Variants in RBM28 observed in about 807,000 individuals in gnomAD.
RBM28 encodes RNA binding motif protein 28.
A neutral mutation model predicts 98.3 loss-of-function variants in RBM28; 78 were observed. The ratio of observed to expected loss-of-function variants is 0.79; its 90% CI spans 0.66 to 0.96. The LOEUF (loss-of-function observed/expected upper bound fraction) is 0.96, where lower values mean the gene tolerates loss of function less well. Among genes scored for constraint, RBM28 ranks in the 40% least tolerant of loss-of-function variants. The probability of loss-of-function intolerance (pLI) is 0.00; values close to 1 mark genes in which losing one functional copy is unlikely to be tolerated. For synonymous variants in RBM28, 306 were observed against 330.9 expected, an observed-to-expected ratio of 0.92 and a Z score of 0.82; for missense variants, 838 against 913.0, an observed-to-expected ratio of 0.92 and a Z score of 1.06.
intron 14 of RBM28, 101 bp downstream of exon 14, chr7:128,321,165 C>G: frequency 1.3e-6 from 2 of 1,525,922 alleles, no homozygotes; most frequent in Non-Finnish European, 1.8e-6. Flanking sequence ...GACTTCGTCT[C>G]AAAACAAACA....
rs983946249 is a variant in RBM28 at position 128,302,523 on chromosome 7, G to C, written c.*8274C>G. On this transcript the variant is annotated 3_prime_UTR_variant, in exon 19 of 19. Transcript: ENST00000223073. Reference sequence around the variant, plus strand: ...GGAAAAGCAGTTATAAAACTGAGTAGAGCCAGCGCACCCTTTCCCTATTAG... The same window carrying C: ...GGAAAAGCAGTTATAAAACTGAGTACAGCCAGCGCACCCTTTCCCTATTAG... 6.6e-6 allele frequency: 1 copy of C among 152,142 alleles called. No individual in the cohort carries two copies. Among genetic ancestry groups the C allele is most frequent in the African/African-American group, 2.4e-5 (1 of 41,424 alleles). 9.4% of individuals were successfully genotyped at this position (152,142 alleles called of 1,614,324 possible). A position where few individuals can be genotyped will look rare whatever the true frequency, so the allele number is the denominator to read the frequency against.
rs13221116 is a variant in RBM28, at chr7:128,303,013, C to A, written c.*7784G>T. 0.11 allele frequency: 17,249 copies of A among 152,330 alleles called. 1,357 individuals carry two copies. Among genetic ancestry groups the A allele is most frequent in the East Asian group, 0.25 (1,292 of 5,184 alleles). The allele number at this position is 152,330 out of a possible 1,614,324, so 9.4% of individuals were successfully genotyped here. A position where few individuals can be genotyped will look rare whatever the true frequency, so the allele number is the denominator to read the frequency against. On this transcript the variant is annotated 3_prime_UTR_variant, in exon 19 of 19. Transcript: ENST00000223073. ...TCCTGGCCTCAAGGGATCCTCCCAT[C>A]TCAGCCTCCCATAGTGCTGGGGTTA...
intron 1 of RBM28, chr7:128,341,342 C>G (rs550515454): frequency 2.8e-6 from 1 of 353,730 alleles, no homozygotes; most frequent in East Asian, 7.5e-5. Flanking sequence ...TCAGTACAAC[C>G]AAAAGTAAAG....
chr7:128,322,912 T>C (rs1796267546), intron 13 of RBM28, among the ~76,000 whole-genome samples: 1 of 152,168 alleles, frequency 6.6e-6, no homozygotes, highest in Admixed American at 6.5e-5. Flanking sequence ...GCTAATTCTG[T>C]TCACAGTTAT....
chr7:128,312,543 CA>C (rs1562947617), intron 18 of RBM28, among the ~76,000 whole-genome samples: 1 of 151,968 alleles, frequency 6.6e-6, no homozygotes, highest in Non-Finnish European at 1.5e-5. Context: ...AAATGTAACA[CA>C]AATGACCTGG....
Position 128,339,323 on chromosome 7 carries a change from T to C in RBM28, c.278-2A>G. ...CCTTCTTTGGGCACTCTGAGTTTTC[T>C]AAAAAATAAGAGGTAATGGAATAAG... On this transcript the variant is annotated splice_acceptor_variant, in intron 2 of 18. Coordinates refer to ENST00000223073, the MANE Select transcript of RBM28 (RefSeq NM_018077.3). LOFTEE classifies it high-confidence loss of function. The C allele has an allele frequency of 6.2e-7, 1 of 1,603,328 alleles. No individual in the cohort carries two copies. The highest frequency in any genetic ancestry group is 8.5e-7 in the Non-Finnish European group (1 of 1,171,706).
At chr7:128,320,257 C>T (rs562699585) in intron 14 of RBM28, among the ~76,000 whole-genome samples, 1 of 113,178 alleles carries the variant, frequency 8.8e-6, no homozygotes, top group East Asian at 2.6e-4. Flanking sequence ...AGAAATTAGC[C>T]AGGCATGGTG....
intron 16 of RBM28, among the ~76,000 whole-genome samples, chr7:128,316,210 A>G (rs559736024): frequency 6.6e-6 from 1 of 152,316 alleles, no homozygotes; most frequent in East Asian, 1.9e-4. Flanking sequence ...TGCATTCACA[A>G]ATAAACCAAA....
At chr7:128,322,230 C>A (rs1439502623) in intron 13 of RBM28, among the ~76,000 whole-genome samples, 2 of 152,148 alleles carry the variant, frequency 1.3e-5, no homozygotes, top group Admixed American at 6.5e-5. Flanking sequence ...CTCAACTCTG[C>A]CACCCTGAGG....
chr7:128,308,056 AC>A lies in RBM28; in HGVS notation c.*2740del, dbSNP rs1413614055. 6.6e-6 allele frequency: 1 copy of A among 152,226 alleles called. No individual in the cohort carries two copies. The highest frequency in any genetic ancestry group is 1.5e-5 in the Non-Finnish European group (1 of 68,036). 9.4% of individuals were successfully genotyped at this position (152,226 alleles called of 1,614,324 possible). ...TGAAGGAGAAGTGAGCACAACTCTC[AC>A]TGCACTAAAATTCCCAAGGCAAGGA... On this transcript the variant is annotated 3_prime_UTR_variant, in exon 19 of 19. Coordinates refer to ENST00000223073, the MANE Select transcript of RBM28 (RefSeq NM_018077.3).
intron 14 of RBM28, 82 bp downstream of exon 14, chr7:128,321,184 C>G (rs1796224417): frequency 1.9e-6 from 3 of 1,572,700 alleles, no homozygotes; most frequent in Non-Finnish European, 8.7e-7. Flanking sequence ...CAAACAAAAT[C>G]TGGCACCACA....
rs938090945 is a variant in RBM28 at position 128,325,891 on chromosome 7, C to A, written c.1130G>T (p.Gly377Val). Reference protein sequence around the residue: ...VLHPDTEHSKGCAFAQFMTQE... With the variant: ...VLHPDTEHSKVCAFAQFMTQE... ...AGTCATGAACTGGGCAAATGCACAA[C>A]CTGCACAAGGAGACACAATTCAGTG... The change falls in exon 11 of 19, where the codon GGT (glycine) becomes GTT (valine). Residue 377 changes from glycine to valine, a missense_variant and splice_region_variant. Physicochemically the swap from Gly to Val is moderately radical, Grantham distance 109 (BLOSUM62 -3). Transcript: ENST00000223073. 6.2e-7 allele frequency: 1 copy of A among 1,613,172 alleles called. No homozygotes were observed. The highest frequency in any genetic ancestry group is 8.5e-7 in the Non-Finnish European group (1 of 1,179,382).
chr7:128,314,618 T>A lies in RBM28; in HGVS notation c.2045+146A>T, dbSNP rs1411980293. On this transcript the variant is annotated intron_variant, in intron 17 of 18. Coordinates refer to ENST00000223073, the MANE Select transcript of RBM28 (RefSeq NM_018077.3). ...TGACATCTCTGATGGTGTTGAAGACTCGCGTGTTAACCCCATGTGTGGGAA... is the reference window on the plus strand; with the variant it reads ...TGACATCTCTGATGGTGTTGAAGACACGCGTGTTAACCCCATGTGTGGGAA... 4 of 1,349,854 alleles carry A rather than the reference T, an allele frequency of 3.0e-6. No individual in the cohort carries two copies. In the African/African-American group the frequency reaches 5.7e-5, roughly 19 times the overall value. 83.6% of individuals were successfully genotyped at this position (1,349,854 alleles called of 1,614,324 possible). A position where few individuals can be genotyped will look rare whatever the true frequency, so the allele number is the denominator to read the frequency against.
chr7:128,341,251 CT>C (rs1796718090), intron 1 of RBM28: 1 of 1,171,850 alleles, frequency 8.5e-7, no homozygotes, highest in African/African-American at 1.6e-5. Flanking sequence ...CAATTTTTCT[CT>C]TCTCTTGAAC....
intron 17 of RBM28, among the ~76,000 whole-genome samples, chr7:128,313,749 G>A (rs1029761441): frequency 2.6e-5 from 4 of 152,130 alleles, no homozygotes; most frequent in East Asian, 3.9e-4. Flanking sequence ...ATGGTTTAGC[G>A]CCATCCCCTC....
chr7:128,321,064 G>T (rs184723417), intron 14 of RBM28, among the ~76,000 whole-genome samples: 3 of 152,248 alleles, frequency 2.0e-5, no homozygotes, highest in Non-Finnish European at 4.4e-5. Flanking sequence ...TATTCAGGGG[G>T]CTGAGGCAGG....
intron 14 of RBM28, 100 bp downstream of exon 14, chr7:128,321,166 A>AAAAC: frequency 6.5e-7 from 1 of 1,533,654 alleles, no homozygotes; most frequent in Non-Finnish European, 8.9e-7. Flanking sequence ...ACTTCGTCTC[A>AAAAC]AAACAAACAA....
chr7:128,315,956 T>G (rs979706977), intron 16 of RBM28, among the ~76,000 whole-genome samples: 2 of 152,206 alleles, frequency 1.3e-5, no homozygotes, highest in African/African-American at 4.8e-5. Context: ...AAAAAGATGC[T>G]GTGGGAAGGA....
At chr7:128,329,638 C>T (rs933979965) in intron 10 of RBM28, among the ~76,000 whole-genome samples, 3 of 152,122 alleles carry the variant, frequency 2.0e-5, no homozygotes, top group Admixed American at 6.5e-5. Context: ...GTAATCCCAG[C>T]ACTTTGGGAG....
Sources: gnomAD v4.1 joint callset for allele counts (sites outside exome capture counted in the v4.1 genomes callset) on GRCh38, gnomAD v4.1.1 for gene constraint, MANE v1.5 for transcripts, NCBI Gene and HGNC (gene_info 2026-07-23, HGNC 2026-07-21) for gene names.